The following BRAF variants were observed in gnomAD, a reference collection of about 807,000 sequenced individuals.
The protein encoded by BRAF is serine/threonine-protein kinase B-raf.
Under a neutral mutation model 104.6 loss-of-function variants are expected in BRAF, and 16 were observed. The observed-to-expected ratio is 0.15, with a 90% confidence interval of 0.10 to 0.23. The LOEUF is 0.23. Among genes scored for constraint, BRAF ranks in the 10% least tolerant of loss-of-function variants. BRAF has a pLI of 1.00. For missense variants in BRAF, 541 were observed against 937.3 expected, an observed-to-expected ratio of 0.58 and a Z score of 5.52; for synonymous variants, 310 against 341.6, an observed-to-expected ratio of 0.91 and a Z score of 1.02.
chr7:140,739,397 G>C (rs977653510), intron 18 of BRAF, among the ~76,000 whole-genome samples: 6 of 151,528 alleles, frequency 4.0e-5, no homozygotes, highest in African/African-American at 1.5e-4. Flanking sequence ...TTAGATAATA[G>C]AACTGTTTTT....
intron 5 of BRAF, 107 bp from the exon 6 acceptor site, chr7:140,801,667 A>C: frequency 8.1e-7 from 1 of 1,232,262 alleles, no homozygotes; most frequent in Non-Finnish European, 1.1e-6. Flanking sequence ...ATATATTTAT[A>C]TCATGAAACT....
Position 140,723,429 on chromosome 7 carries a change from A to C in BRAF, c.*3065T>G. The C allele has an allele frequency of 9.5e-7, 1 of 1,054,936 alleles. No individual in the cohort carries two copies. Among genetic ancestry groups the C allele is most frequent in the Non-Finnish European group, 1.1e-6 (1 of 872,926 alleles). 65.3% of individuals were successfully genotyped at this position (1,054,936 alleles called of 1,614,324 possible). ...CTTCTAAAATGCCCCAGTATGCCCTACTAGATCTCAAATACAATCAGGGGT... is the reference window on the plus strand; with the variant it reads ...CTTCTAAAATGCCCCAGTATGCCCTCCTAGATCTCAAATACAATCAGGGGT... On this transcript the variant is annotated 3_prime_UTR_variant, in exon 20 of 20. Coordinates refer to ENST00000644969, the MANE Select transcript of BRAF (RefSeq NM_001374258.1).
At chr7:140,860,485 A>AAAAAC (rs1810302055) in intron 1 of BRAF, among the ~76,000 whole-genome samples, 1 of 151,562 alleles carries the variant, frequency 6.6e-6, no homozygotes, top group Non-Finnish European at 1.5e-5. Flanking sequence ...AAAAAAAGAA[A>AAAAAC]AAAAAGAAAA....
chr7:140,799,122 G>A, intron 7 of BRAF: 1 of 193,950 alleles, frequency 5.2e-6, no homozygotes, highest in East Asian at 8.1e-5. Flanking sequence ...AAAGTGCTGG[G>A]ATTACATGCG....
chr7:140,813,884 T>TACACACACACAC lies in BRAF; in HGVS notation c.505-4890_505-4889insGTGTGTGTGTGT, dbSNP rs895133249. ...ACACATGCACATGCATGCGGACGCA[T>TACACACACACAC]ACATACACACACACACACACACACA... is the stretch of plus-strand genomic sequence containing the variant. On this transcript the variant is annotated intron_variant, in intron 3 of 19. Transcript: ENST00000644969. Among the ~76,000 whole-genome samples, 4 of 149,642 alleles carry TACACACACACAC rather than the reference T, an allele frequency of 2.7e-5. No individual in the cohort carries two copies. The South Asian group carries it at 8.6e-4, about 32-fold the overall frequency.
intron 1 of BRAF, among the ~76,000 whole-genome samples, chr7:140,889,340 A>C (rs1010022735): frequency 6.6e-6 from 1 of 152,206 alleles, no homozygotes; most frequent in Non-Finnish European, 1.5e-5. Context: ...TAAACTTGAA[A>C]CATCAGCAAA....
intron 2 of BRAF, among the ~76,000 whole-genome samples, chr7:140,846,526 G>A (rs1808559617): frequency 6.6e-6 from 1 of 152,112 alleles, no homozygotes; most frequent in Non-Finnish European, 1.5e-5. Flanking sequence ...GAGAAAGAAG[G>A]AAATAGAGAT....
intron 1 of BRAF, among the ~76,000 whole-genome samples, chr7:140,897,199 A>C (rs995402154): frequency 6.6e-6 from 1 of 152,154 alleles, no homozygotes; most frequent in African/African-American, 2.4e-5. Context: ...CCAAAACCAA[A>C]GATATAAAGT....
At chr7:140,910,817 T>C (rs370624288) in intron 1 of BRAF, among the ~76,000 whole-genome samples, 1 of 152,086 alleles carries the variant, frequency 6.6e-6, no homozygotes, top group East Asian at 1.9e-4. Flanking sequence ...GGACTACATG[T>C]GGATGCCACC....
At chr7:140,763,362 G>A (rs1372903756) in intron 14 of BRAF, among the ~76,000 whole-genome samples, 6 of 146,538 alleles carry the variant, frequency 4.1e-5, no homozygotes, top group South Asian at 4.4e-4. Context: ...CCTCCCGGAC[G>A]GGGCAGCTGG....
chr7:140,755,747 A>G (rs1427839857), intron 14 of BRAF, among the ~76,000 whole-genome samples: 10 of 152,094 alleles, frequency 6.6e-5, no homozygotes, highest in Admixed American at 6.6e-4. Context: ...GTGGAAATAA[A>G]TGGGCCCCAA....
intron 1 of BRAF, among the ~76,000 whole-genome samples, chr7:140,872,330 C>G (rs1179121381): frequency 6.6e-6 from 1 of 150,900 alleles, no homozygotes; most frequent in East Asian, 1.9e-4. Context: ...AAGCTAAAGT[C>G]CATGGTACTT....
rs1172916141 is a variant in BRAF at position 140,781,632 on chromosome 7, A to G, written c.1496T>C (p.Val499Ala). 6.2e-7 allele frequency: 1 copy of G among 1,614,066 alleles called. No individual in the cohort carries two copies. The highest frequency in any genetic ancestry group is 8.5e-7 in the Non-Finnish European group (1 of 1,180,000). ...TGATCCAGATCCAATTCTTTGTCCC[A>G]CTGTAATCTGCCCATCAGGAATCTC... is the stretch of plus-strand genomic sequence containing the variant. ...DWEIPDGQITVGQRIGSGSFG... is the reference protein window; with the variant it reads ...DWEIPDGQITAGQRIGSGSFG... Residue 499 changes from valine to alanine, a missense_variant, in exon 12 of 20, where the codon GTG (valine) becomes GCG (alanine). Transcript: ENST00000644969.
intron 1 of BRAF, among the ~76,000 whole-genome samples, chr7:140,871,983 G>A (rs557327684): frequency 1.5e-3 from 231 of 152,180 alleles, no homozygotes; most frequent in Non-Finnish European, 1.4e-3. Flanking sequence ...TTGGGAGGCC[G>A]CGGCAGGTGG....
rs727502906 is a variant in BRAF, at chr7:140,924,593, C to T, written c.111G>A (p.Ser37=). The T allele has an allele frequency of 2.1e-5, 32 of 1,529,722 alleles. No individual in the cohort carries two copies. The highest frequency in any genetic ancestry group is 2.8e-5 in the African/African-American group (2 of 72,530). The allele number at this position is 1,529,722 out of a possible 1,614,324, so 94.8% of individuals were successfully genotyped here. Residue 37 remains serine, a synonymous_variant, in exon 1 of 20, where the codon TCG becomes TCA. Transcript: ENST00000644969. The surrounding 1 kb of genome is among the most constrained non-coding windows in gnomAD (Gnocchi z 4.2). ...AGAGAGAAAS[S]AADPAIPEEV... ...CCTCCGGAATGGCAGGGTCCGCAGC[C>T]GAAGAGGCCGCGGCGCCGGCGCCGG...
intron 14 of BRAF, among the ~76,000 whole-genome samples, chr7:140,762,164 A>T (rs552563248): frequency 2.8e-4 from 43 of 152,342 alleles, no homozygotes; most frequent in African/African-American, 1.0e-3. Flanking sequence ...GCAAATGTAA[A>T]AGAACAGAAA....
intron 2 of BRAF, among the ~76,000 whole-genome samples, chr7:140,847,132 C>T (rs1310268591): frequency 6.6e-6 from 1 of 151,790 alleles, no homozygotes; most frequent in African/African-American, 2.4e-5. Context: ...CCAGACTGGG[C>T]AACAGAGCGA....
chr7:140,900,099 T>C (rs1470603999), intron 1 of BRAF, among the ~76,000 whole-genome samples: 2 of 152,238 alleles, frequency 1.3e-5, no homozygotes, highest in East Asian at 1.9e-4. Flanking sequence ...CTCAGTTTCC[T>C]GACCCACAGA....
chr7:140,796,403 A>G (rs17161714), intron 7 of BRAF, among the ~76,000 whole-genome samples: 2,787 of 152,128 alleles, frequency 0.018, 93 homozygotes, highest in African/African-American at 0.064. Context: ...CTAGAATTGC[A>G]TAAGATAGTC....
Sources: gnomAD v4.1 joint callset for allele counts (sites outside exome capture counted in the v4.1 genomes callset) on GRCh38, gnomAD v4.1.1 for gene constraint, Gnocchi (gnomAD v3.1) non-coding constraint, MANE v1.5 for transcripts, NCBI Gene and HGNC (gene_info 2026-07-23, HGNC 2026-07-21) for gene names.